The following TECRL variants were observed in gnomAD, a reference collection of about 807,000 sequenced individuals.
The protein encoded by TECRL is trans-2,3-enoyl-CoA reductase-like.
TECRL carries 63 observed loss-of-function variants against 52.8 expected under a neutral mutation model. That is an observed-to-expected ratio of 1.19 (90% CI 0.97 to 1.47). The LOEUF (loss-of-function observed/expected upper bound fraction) is 1.47. TECRL is among the 40% of genes most tolerant of loss of function. The pLI, the probability that TECRL is intolerant of heterozygous loss-of-function variation, is 0.00. For synonymous variants in TECRL, 164 were observed against 141.9 expected (o/e 1.16, Z -1.10); for missense variants, 482 against 429.6 (o/e 1.12, Z -1.08).
At chr4:64,336,986 T>C (rs1219000999) in intron 2 of TECRL, among the ~76,000 whole-genome samples, 4 of 152,170 alleles carry the variant, frequency 2.6e-5, no homozygotes, top group African/African-American at 9.7e-5. Context: ...TATATTCTGT[T>C]GATTTGGGGT....
chr4:64,399,387 G>GA (rs796825491), intron 1 of TECRL, among the ~76,000 whole-genome samples: 184 of 151,258 alleles, frequency 1.2e-3, no homozygotes, highest in African/African-American at 4.0e-3. Context: ...ACACGGCATA[G>GA]AAAAAAAAAG....
chr4:64,277,005 T>C, downstream of TECRL: 1 of 1,482,452 alleles, frequency 6.7e-7, no homozygotes, highest in Non-Finnish European at 9.1e-7. Flanking sequence ...CAAGATGGTG[T>C]AAATTTGTCA....
chr4:64,304,186 C>CGA (rs1724188422), intron 7 of TECRL, among the ~76,000 whole-genome samples: 1 of 151,806 alleles, frequency 6.6e-6, no homozygotes, highest in African/African-American at 2.4e-5. Flanking sequence ...AGCAATACTT[C>CGA]TATGTGCTAA....
intron 8 of TECRL, among the ~76,000 whole-genome samples, chr4:64,293,967 CAT>C (rs199561757): frequency 0.02 from 3,003 of 146,936 alleles, 112 homozygotes; most frequent in African/African-American, 0.07. Context: ...GCAGGTGCTA[CAT>C]ATATATATAT....
intron 4 of TECRL, among the ~76,000 whole-genome samples, chr4:64,315,063 G>T (rs1484058230): frequency 6.6e-6 from 1 of 151,898 alleles, no homozygotes; most frequent in African/African-American, 2.4e-5. Flanking sequence ...ATATTTTTCT[G>T]TGTATTTGCC....
intron 1 of TECRL, among the ~76,000 whole-genome samples, chr4:64,389,375 G>T (rs904663381): frequency 6.6e-6 from 1 of 151,844 alleles, no homozygotes; most frequent in African/African-American, 2.4e-5. Context: ...TGATAAAATT[G>T]TGTGATTTTC....
At chr4:64,290,920 A>G (rs1407246866) in intron 8 of TECRL, among the ~76,000 whole-genome samples, 1 of 152,172 alleles carries the variant, frequency 6.6e-6, no homozygotes, top group East Asian at 1.9e-4. Flanking sequence ...TTGTACCAAC[A>G]TAACTACACA....
intron 2 of TECRL, among the ~76,000 whole-genome samples, chr4:64,346,462 C>T (rs1719994916): frequency 1.3e-5 from 2 of 152,256 alleles, no homozygotes; most frequent in African/African-American, 4.8e-5. Flanking sequence ...TGGAGGTTCC[C>T]AAACCTCAGT....
chr4:64,287,828 G>A (rs1723157488), intron 9 of TECRL, among the ~76,000 whole-genome samples: 1 of 152,054 alleles, frequency 6.6e-6, no homozygotes, highest in Non-Finnish European at 1.5e-5. Flanking sequence ...AAAGCAAATT[G>A]GAGCAATTTT....
Position 64,280,008 on chromosome 4 carries a change from T to G in TECRL, c.*64A>C. The G allele has an allele frequency of 6.6e-7, 1 of 1,517,816 alleles. No homozygotes were observed. Among genetic ancestry groups the G allele is most frequent in the South Asian group, 1.3e-5 (1 of 79,112 alleles). The allele number at this position is 1,517,816 out of a possible 1,614,324, so 94.0% of individuals were successfully genotyped here. A position where few individuals can be genotyped will look rare whatever the true frequency, so the allele number is the denominator to read the frequency against. ...GTTGGAGTATAATAGTTAACTATCC[T>G]TAACTAAGTCTTATTTATTGAATTT... On this transcript the variant is annotated 3_prime_UTR_variant, in exon 12 of 12. Coordinates refer to ENST00000381210, the MANE Select transcript of TECRL (RefSeq NM_001010874.5).
At chr4:64,332,676 G>A (rs187522137) in intron 2 of TECRL, among the ~76,000 whole-genome samples, 4 of 152,132 alleles carry the variant, frequency 2.6e-5, no homozygotes, top group South Asian at 2.1e-4. Flanking sequence ...TAGAAACTAC[G>A]GAAAGAAACA....
intron 2 of TECRL, among the ~76,000 whole-genome samples, chr4:64,346,293 C>T (rs1383802591): frequency 6.6e-6 from 1 of 152,184 alleles, no homozygotes; most frequent in Non-Finnish European, 1.5e-5. Flanking sequence ...TTCTCACAGC[C>T]CCACTAGGCA....
chr4:64,311,670 TTA>T (rs1362104397), intron 5 of TECRL, among the ~76,000 whole-genome samples: 1 of 152,154 alleles, frequency 6.6e-6, no homozygotes, highest in Non-Finnish European at 1.5e-5. Flanking sequence ...GAGACTTAGT[TTA>T]TATATATGCC....
At chr4:64,394,529 T>C (rs1490582594) in intron 1 of TECRL, among the ~76,000 whole-genome samples, 1 of 152,182 alleles carries the variant, frequency 6.6e-6, no homozygotes, top group Non-Finnish European at 1.5e-5. Flanking sequence ...ACAATTCCCG[T>C]GGCATAAGAT....
intron 1 of TECRL, among the ~76,000 whole-genome samples, chr4:64,376,891 TTTAA>T (rs766665410): frequency 1.3e-5 from 2 of 151,988 alleles, no homozygotes; most frequent in African/African-American, 2.4e-5. Context: ...TATAATAAGC[TTTAA>T]TTAACTTTTG....
At chr4:64,336,476 T>C (rs1719092468) in intron 2 of TECRL, among the ~76,000 whole-genome samples, 1 of 152,184 alleles carries the variant, frequency 6.6e-6, no homozygotes, top group South Asian at 2.1e-4. Flanking sequence ...ATACATTGAT[T>C]TTTTGAAGGG....
At chr4:64,370,896 C>T (rs1721931579) in intron 2 of TECRL, among the ~76,000 whole-genome samples, 1 of 151,768 alleles carries the variant, frequency 6.6e-6, no homozygotes, top group Admixed American at 6.6e-5. Flanking sequence ...TTTGTATGAG[C>T]TTTGAAGTAA....
intron 2 of TECRL, among the ~76,000 whole-genome samples, chr4:64,374,839 C>A (rs189637985): frequency 2.1e-3 from 327 of 152,134 alleles, no homozygotes; most frequent in African/African-American, 7.3e-3. Flanking sequence ...GGTTGAAATT[C>A]TTTGCTATTG....
At position 64,322,778 on chromosome 4, in the gene TECRL, T is replaced by C. The variant is rs1256323949; in HGVS notation, c.346A>G (p.Lys116Glu). The part of the protein sequence containing the change: ...LQLECGGPFL[K>E]DYITIQSIAA... ...ATACTTTGAATGGTAATGTAGTCCT[T>C]CAAAAAAGGCCCGCCTAAAATAAAA... Residue 116 changes from lysine to glutamate, a missense_variant, in exon 4 of 12, where the codon AAG (lysine) becomes GAG (glutamate). Lys to Glu is a moderately conservative substitution (Grantham distance 56). Transcript: ENST00000381210. 6.2e-7 allele frequency: 1 copy of C among 1,604,192 alleles called. No homozygotes were observed. The highest frequency in any genetic ancestry group is 1.1e-5 in the South Asian group (1 of 88,188).
Sources: allele counts gnomAD v4.1 joint callset (sites outside exome capture counted in the v4.1 genomes callset), GRCh38; gene constraint gnomAD v4.1.1; transcripts MANE v1.5; gene names NCBI Gene and HGNC (gene_info 2026-07-23, HGNC 2026-07-21).